SEMA5B: variants seen among roughly 807,000 people sequenced by gnomAD.
The protein encoded by SEMA5B is semaphorin-5B.
In SEMA5B, 66 loss-of-function variants were observed where a neutral mutation model predicts 135.0. That is an observed-to-expected ratio of 0.49 (90% CI 0.40 to 0.60). SEMA5B has a LOEUF of 0.60. Among genes scored for constraint, SEMA5B ranks in the 20% least tolerant of loss-of-function variants. The pLI, the probability that SEMA5B is intolerant of heterozygous loss-of-function variation, is 0.00. For synonymous variants in SEMA5B, 690 were observed against 639.5 expected, an observed-to-expected ratio of 1.08 and a Z score of -1.19; for missense variants, 1,501 against 1,566.3, an observed-to-expected ratio of 0.96 and a Z score of 0.70.
At chr3:123,010,279 A>T (rs1942408773) in intron 1 of SEMA5B, among the ~76,000 whole-genome samples, 1 of 152,208 alleles carries the variant, frequency 6.6e-6, no homozygotes, top group Admixed American at 6.5e-5. Flanking sequence ...AGGGTTTAAA[A>T]TTGCCTCTTA....
intron 4 of SEMA5B, among the ~76,000 whole-genome samples, chr3:122,940,696 C>T (rs1465333504): frequency 6.6e-6 from 1 of 152,218 alleles, no homozygotes; most frequent in Non-Finnish European, 1.5e-5. Context: ...GGCTTCTCTT[C>T]CCAGCTCTGG....
chr3:122,927,792 T>C lies in SEMA5B; in HGVS notation c.848A>G (p.Asn283Ser). ...CCCTGGCACTGGGGCCTCCTTACCA[T>C]TAAGCCACTTGGAGTTATATTGGGC... ...RTAQYNSKWL[N>S]EPNFVAAYDI... is the part of the protein sequence containing the mutation. The change falls in exon 8 of 23, where the codon AAT becomes AGT. Residue 283 changes from asparagine to serine, a missense_variant and splice_region_variant. By Grantham distance (46) the Asn-to-Ser change is conservative (BLOSUM62 1). This residue lies in a region of SEMA5B where 574 missense variants were observed against 684.7 expected (regional missense o/e 0.84). Coordinates refer to ENST00000357599, the MANE Select transcript of SEMA5B (RefSeq NM_001031702.4). 7.1e-7 allele frequency: 1 copy of C among 1,411,548 alleles called. No individual in the cohort carries two copies. Among genetic ancestry groups the C allele is most frequent in the South Asian group, 1.7e-5 (1 of 57,496 alleles). The allele number at this position is 1,411,548 out of a possible 1,614,324, so 87.4% of individuals were successfully genotyped here.
chr3:122,980,861 T>C (rs1273471803), intron 1 of SEMA5B, among the ~76,000 whole-genome samples: 3 of 152,200 alleles, frequency 2.0e-5, no homozygotes, highest in Non-Finnish European at 4.4e-5. Flanking sequence ...ATTTCTACTA[T>C]CTGTCTCTGA....
At chr3:123,024,280 G>A (rs1185144944) in intron 1 of SEMA5B, among the ~76,000 whole-genome samples, 8 of 152,180 alleles carry the variant, frequency 5.3e-5, no homozygotes, top group African/African-American at 1.9e-4. Flanking sequence ...AATGTCTGCT[G>A]TTCCTCTATC....
intron 21 of SEMA5B, 135 bp from the exon 22 acceptor site, chr3:122,911,180 G>A: frequency 2.0e-6 from 2 of 1,023,646 alleles, no homozygotes; most frequent in Non-Finnish European, 2.8e-6. Flanking sequence ...CACAGCCAAA[G>A]GAAACAGGGA....
At chr3:122,968,532 T>A (rs1940970995) in intron 1 of SEMA5B, among the ~76,000 whole-genome samples, 1 of 152,162 alleles carries the variant, frequency 6.6e-6, no homozygotes, top group Non-Finnish European at 1.5e-5. Flanking sequence ...AGCAGCTGTT[T>A]GCACTATATG....
At chr3:123,004,263 A>G (rs1341541041) in intron 1 of SEMA5B, among the ~76,000 whole-genome samples, 2 of 152,254 alleles carry the variant, frequency 1.3e-5, no homozygotes, top group Non-Finnish European at 2.9e-5. Context: ...AAAGTGAAGA[A>G]AAATTTGCTT....
At chr3:122,926,118 A>C (rs1938616451) in intron 9 of SEMA5B, among the ~76,000 whole-genome samples, 1 of 152,128 alleles carries the variant, frequency 6.6e-6, no homozygotes, top group Non-Finnish European at 1.5e-5. Flanking sequence ...CCCCTCATCC[A>C]AGGCAGGCTT....
At chr3:122,912,745 C>T (rs1937804371) in intron 18 of SEMA5B, 98 bp downstream of exon 18, 1 of 1,202,652 alleles carries the variant, frequency 8.3e-7, no homozygotes, top group Non-Finnish European at 1.2e-6. Context: ...AAGGGGTCAC[C>T]TGGGCATTGG....
rs570465533 is a variant in SEMA5B at position 122,935,175 on chromosome 3, T to A, written c.474+4250A>T. 3.3e-5 allele frequency among the ~76,000 whole-genome samples: 5 copies of A among 152,344 alleles called. No homozygotes were observed. The Middle Eastern group carries it at 0.017, about 518-fold the overall frequency. On this transcript the variant is annotated intron_variant, in intron 5 of 22. Coordinates refer to ENST00000357599, the MANE Select transcript of SEMA5B (RefSeq NM_001031702.4). ...ACTCCATGGGAGGTCTCATAGAGAC[T>A]GGTGGGCTTCTTGTAGGGTGCTGGG...
At chr3:122,940,310 C>T (rs537455805) in intron 4 of SEMA5B, among the ~76,000 whole-genome samples, 1 of 152,292 alleles carries the variant, frequency 6.6e-6, no homozygotes, top group South Asian at 2.1e-4. Context: ...GGGAGAATTC[C>T]AGCTCAGCCA....
intron 2 of SEMA5B, among the ~76,000 whole-genome samples, chr3:122,959,903 G>A (rs1940499693): frequency 1.3e-5 from 2 of 152,108 alleles, no homozygotes; most frequent in Non-Finnish European, 1.5e-5. Flanking sequence ...GTTTTTGCAA[G>A]GAAAAAGAAA....
In SEMA5B at chr3:122,929,115, C is replaced by G. The variant is rs1233370877; in HGVS notation, c.475-57G>C. The G allele has an allele frequency of 1.1e-5, 16 of 1,513,710 alleles. No homozygotes were observed. In the East Asian group the frequency reaches 3.2e-4, roughly 30 times the overall value. The allele number at this position is 1,513,710 out of a possible 1,614,324, so 93.8% of individuals were successfully genotyped here. ...CACATGGCTGTGTCATTTACTGCCA[C>G]TCACTGGCAGAGCAGGCAGCAGCCA... On this transcript the variant is annotated intron_variant, in intron 5 of 22. Coordinates refer to ENST00000357599, the MANE Select transcript of SEMA5B (RefSeq NM_001031702.4).
At chr3:122,953,243 T>A (rs1380908855) in intron 2 of SEMA5B, among the ~76,000 whole-genome samples, 1 of 152,032 alleles carries the variant, frequency 6.6e-6, no homozygotes, top group Non-Finnish European at 1.5e-5. Context: ...TAACCTGTGC[T>A]CCCTTCCCAG....
intron 1 of SEMA5B, among the ~76,000 whole-genome samples, chr3:122,981,287 T>G (rs200781757): frequency 0.054 from 6,746 of 124,344 alleles, 153 homozygotes; most frequent in East Asian, 0.095. Context: ...GGGGCTTGTG[T>G]TGGGCCCCTG....
At chr3:122,986,324 C>A (rs1176245812) in intron 1 of SEMA5B, among the ~76,000 whole-genome samples, 2 of 152,122 alleles carry the variant, frequency 1.3e-5, no homozygotes, top group African/African-American at 4.8e-5. Context: ...TTGATATACC[C>A]AAAAAGCTAG....
rs146158299 is a variant in SEMA5B, at chr3:123,007,672, A to G, written c.-39+19792T>C. On this transcript the variant is annotated intron_variant, in intron 1 of 22. Transcript: ENST00000357599. ...CATTTGCATGCTTAGCTCCTTTGCC[A>G]TGTGGTACCCTGCACCACCTTGGGA... 2.4e-4 allele frequency among the ~76,000 whole-genome samples: 37 copies of G among 152,298 alleles called. No individual in the cohort carries two copies. In the East Asian group the frequency reaches 5.8e-3, roughly 24 times the overall value.
At chr3:122,960,121 G>A (rs1341155593) in intron 2 of SEMA5B, among the ~76,000 whole-genome samples, 1 of 152,162 alleles carries the variant, frequency 6.6e-6, no homozygotes, top group African/African-American at 2.4e-5. Flanking sequence ...CTCAAAAACA[G>A]GCAGCAAATC....
chr3:122,975,994 G>C (rs1249164427), intron 1 of SEMA5B: 1 of 1,534,374 alleles, frequency 6.5e-7, no homozygotes, highest in East Asian at 2.4e-5. Flanking sequence ...TCATGCACTT[G>C]CCCACCTCGA....
Sources: gnomAD v4.1 joint callset for allele counts (sites outside exome capture counted in the v4.1 genomes callset) on GRCh38, gnomAD v4.1.1 for gene constraint, gnomAD v4.1.1 regional missense constraint, MANE v1.5 for transcripts, NCBI Gene and HGNC (gene_info 2026-07-23, HGNC 2026-07-21) for gene names.